Variants in SH3GL2 observed in about 807,000 individuals in gnomAD.
The protein encoded by SH3GL2 is SH3 domain containing GRB2 like 2, endophilin A1, also known as endophilin-A1.
SH3GL2 carries 24 observed loss-of-function variants against 46.0 expected under a neutral mutation model. The ratio of observed to expected loss-of-function variants is 0.52; its 90% CI spans 0.38 to 0.73. The LOEUF is 0.73. SH3GL2 is among the 30% of genes least tolerant of loss of function. The pLI, the probability that SH3GL2 is intolerant of heterozygous loss-of-function variation, is 0.00. For missense variants in SH3GL2, 413 were observed against 424.2 expected, an observed-to-expected ratio of 0.97 and a Z score of 0.23; for synonymous variants, 196 against 147.1, an observed-to-expected ratio of 1.33 and a Z score of -2.40.
At position 17,789,894 on chromosome 9, in the gene SH3GL2, T is replaced by C. The variant is rs118072956; in HGVS notation, c.624+344T>C. ...AGAATGGTTGTAAGGGTACTTGAGG[T>C]ATGGTTTCTACTGAGCACATATCAA... On this transcript the variant is annotated intron_variant, in intron 6 of 8. Coordinates refer to ENST00000380607, the MANE Select transcript of SH3GL2 (RefSeq NM_003026.5). 4.6e-4 allele frequency: 195 copies of C among 419,946 alleles called. 2 individuals carry two copies. In the East Asian group the frequency reaches 0.028, roughly 61 times the overall value. The allele number at this position is 419,946 out of a possible 1,614,324, so 26.0% of individuals were successfully genotyped here. A position where few individuals can be genotyped will look rare whatever the true frequency, so the allele number is the denominator to read the frequency against.
chr9:17,682,040 C>T (rs375578625), intron 1 of SH3GL2, among the ~76,000 whole-genome samples: 32 of 152,046 alleles, frequency 2.1e-4, no homozygotes, highest in South Asian at 1.2e-3. Context: ...GTCAGAATGG[C>T]GATTATTAAA....
At chr9:17,742,238 A>G (rs1053274551) in intron 1 of SH3GL2, among the ~76,000 whole-genome samples, 2 of 152,164 alleles carry the variant, frequency 1.3e-5, no homozygotes, top group Non-Finnish European at 1.5e-5. Flanking sequence ...AATGCTGGGA[A>G]GAATCAGAGC....
intron 1 of SH3GL2, among the ~76,000 whole-genome samples, chr9:17,654,959 A>C (rs999852954): frequency 6.6e-5 from 10 of 152,242 alleles, no homozygotes; most frequent in Admixed American, 4.6e-4. Context: ...AGTGAGATTA[A>C]ATAGGTACTG....
At chr9:17,745,818 T>C (rs6475169) in intron 1 of SH3GL2, among the ~76,000 whole-genome samples, 139,554 of 152,154 alleles carry the variant, frequency 0.92, 64,131 homozygotes, top group East Asian at 0.99. Flanking sequence ...GGAATCTTCT[T>C]AAAGACCCTC....
At chr9:17,795,342 T>G (rs1324179613) in intron 8 of SH3GL2, among the ~76,000 whole-genome samples, 2 of 152,146 alleles carry the variant, frequency 1.3e-5, no homozygotes, top group Non-Finnish European at 2.9e-5. Flanking sequence ...CCGAGAAAGC[T>G]TCTGAGGATT....
At chr9:17,712,838 A>C (rs918892286) in intron 1 of SH3GL2, among the ~76,000 whole-genome samples, 3 of 142,608 alleles carry the variant, frequency 2.1e-5, no homozygotes, top group Non-Finnish European at 3.0e-5. Context: ...CATCCATCCA[A>C]CCACCCACCC....
At chr9:17,608,969 A>G (rs980569104) in intron 1 of SH3GL2, among the ~76,000 whole-genome samples, 2 of 152,200 alleles carry the variant, frequency 1.3e-5, no homozygotes, top group Admixed American at 1.3e-4. Context: ...CAGGACACCC[A>G]CTTTCACTTA....
intron 1 of SH3GL2, among the ~76,000 whole-genome samples, chr9:17,588,154 C>T (rs930906016): frequency 6.6e-6 from 1 of 152,116 alleles, no homozygotes; most frequent in Non-Finnish European, 1.5e-5. Flanking sequence ...CAGGATGACC[C>T]TGGATCGGTT....
chr9:17,673,337 A>G (rs1277679381), intron 1 of SH3GL2, among the ~76,000 whole-genome samples: 2 of 132,358 alleles, frequency 1.5e-5, no homozygotes, highest in Non-Finnish European at 3.2e-5. Flanking sequence ...TTTTTTTTAT[A>G]GAGGCGGGGT....
At chr9:17,679,173 T>G (rs1004477194) in intron 1 of SH3GL2, among the ~76,000 whole-genome samples, 18 of 152,272 alleles carry the variant, frequency 1.2e-4, no homozygotes, top group African/African-American at 3.9e-4. Context: ...GTGAAGAAAG[T>G]CATTGGTAGC....
At chr9:17,654,474 T>C (rs1486647134) in intron 1 of SH3GL2, among the ~76,000 whole-genome samples, 1 of 152,180 alleles carries the variant, frequency 6.6e-6, no homozygotes, top group Non-Finnish European at 1.5e-5. Context: ...GGCTAGACCA[T>C]TGAGAGTTTT....
chr9:17,791,997 AAT>A (rs1824143765), intron 7 of SH3GL2, among the ~76,000 whole-genome samples: 1 of 152,120 alleles, frequency 6.6e-6, no homozygotes, highest in African/African-American at 2.4e-5. Context: ...CCTATGTTAT[AAT>A]ATGTGTTATT....
At chr9:17,715,923 A>G (rs1015185520) in intron 1 of SH3GL2, among the ~76,000 whole-genome samples, 2 of 152,194 alleles carry the variant, frequency 1.3e-5, no homozygotes, top group South Asian at 2.1e-4. Context: ...AGTTTATTGA[A>G]TACTGTACTG....
chr9:17,763,275 A>G (rs535145021), intron 3 of SH3GL2, among the ~76,000 whole-genome samples: 7 of 152,310 alleles, frequency 4.6e-5, no homozygotes, highest in African/African-American at 1.4e-4. Flanking sequence ...GGTGGGTTGC[A>G]TTGTGTGTCT....
chr9:17,758,126 T>C (rs953722701), intron 2 of SH3GL2, among the ~76,000 whole-genome samples: 3 of 152,152 alleles, frequency 2.0e-5, no homozygotes, highest in Non-Finnish European at 4.4e-5. Context: ...GAACTACTTT[T>C]CTCCTCATAA....
chr9:17,744,021 T>A (rs13301348), intron 1 of SH3GL2, among the ~76,000 whole-genome samples: 19,549 of 152,216 alleles, frequency 0.13, 1,371 homozygotes, highest in African/African-American at 0.17. Flanking sequence ...CAAATGGAAT[T>A]TTGGAATATA....
chr9:17,638,159 AAAAAAAAC>A (rs899089617), intron 1 of SH3GL2, among the ~76,000 whole-genome samples: 1 of 151,750 alleles, frequency 6.6e-6, no homozygotes, highest in Non-Finnish European at 1.5e-5. Context: ...TCCCTCTCAA[AAAAAAAAC>A]AAAAAAACAA....
At chr9:17,691,744 A>G (rs1469325080) in intron 1 of SH3GL2, among the ~76,000 whole-genome samples, 1 of 152,138 alleles carries the variant, frequency 6.6e-6, no homozygotes, top group Non-Finnish European at 1.5e-5. Context: ...CTATTCACTA[A>G]CAATATAGAT....
intron 1 of SH3GL2, among the ~76,000 whole-genome samples, chr9:17,737,920 C>T (rs1398960804): frequency 1.3e-5 from 2 of 152,104 alleles, no homozygotes; most frequent in African/African-American, 4.8e-5. Flanking sequence ...CATGTCTGTT[C>T]ATCTGGCTTA....
Sources: gnomAD v4.1 joint callset for allele counts (sites outside exome capture counted in the v4.1 genomes callset) on GRCh38, gnomAD v4.1.1 for gene constraint, MANE v1.5 for transcripts, NCBI Gene and HGNC (gene_info 2026-07-23, HGNC 2026-07-21) for gene names.